Variants in OPCML observed in about 807,000 individuals in gnomAD.
OPCML encodes opioid-binding protein/cell adhesion molecule.
Under a neutral mutation model 37.8 loss-of-function variants are expected in OPCML, and 13 were observed. The ratio of observed to expected loss-of-function variants is 0.34; its 90% CI spans 0.22 to 0.55. The LOEUF (loss-of-function observed/expected upper bound fraction) is 0.55, where lower values mean the gene tolerates loss of function less well. OPCML is among the 20% of genes least tolerant of loss of function. The pLI is 0.91. For synonymous variants in OPCML, 176 were observed against 168.8 expected (o/e 1.04, Z -0.33); for missense variants, 341 against 435.6 (o/e 0.78, Z 1.93).
chr11:133,524,195 G>A (rs1165437671), intron 1 of OPCML, among the ~76,000 whole-genome samples: 1 of 152,166 alleles, frequency 6.6e-6, no homozygotes, highest in Non-Finnish European at 1.5e-5. Flanking sequence ...AATAAGTCAG[G>A]ATGTCCGCCA....
chr11:133,147,738 C>A (rs1191665811), intron 1 of OPCML, among the ~76,000 whole-genome samples: 1 of 152,134 alleles, frequency 6.6e-6, no homozygotes, highest in African/African-American at 2.4e-5. Context: ...GGCACCAGAG[C>A]AGACAGGTCC....
intron 1 of OPCML, chr11:133,005,088 A>C (rs1193938410): frequency 2.0e-6 from 2 of 985,122 alleles, no homozygotes; most frequent in African/African-American, 3.5e-5. Flanking sequence ...GGACTCCTTC[A>C]TGGCTTCCCA....
At chr11:133,185,454 G>C (rs761118240) in intron 1 of OPCML, among the ~76,000 whole-genome samples, 7 of 152,192 alleles carry the variant, frequency 4.6e-5, no homozygotes, top group Non-Finnish European at 8.8e-5. Context: ...CCCATTGCAG[G>C]GAAGGTAGAC....
At chr11:133,458,216 A>G (rs1054689589) in intron 1 of OPCML, among the ~76,000 whole-genome samples, 1 of 129,420 alleles carries the variant, frequency 7.7e-6, no homozygotes, top group Non-Finnish European at 1.6e-5. Flanking sequence ...GTGTATATAT[A>G]CACATATATA....
At chr11:133,328,948 C>A (rs1380779397) in intron 1 of OPCML, among the ~76,000 whole-genome samples, 1 of 152,140 alleles carries the variant, frequency 6.6e-6, no homozygotes, top group Non-Finnish European at 1.5e-5. Context: ...CGTCTCAGCC[C>A]AAAATCGCCT....
chr11:132,616,052 C>A (rs1002803248), intron 3 of OPCML, among the ~76,000 whole-genome samples: 1 of 152,154 alleles, frequency 6.6e-6, no homozygotes, highest in Non-Finnish European at 1.5e-5. Flanking sequence ...AAAAAAGATA[C>A]CTCAGGATAT....
intron 1 of OPCML, among the ~76,000 whole-genome samples, chr11:133,250,528 G>GGAGA (rs1941094457): frequency 8.9e-6 from 1 of 112,710 alleles, no homozygotes; most frequent in African/African-American, 3.2e-5. Flanking sequence ...GGGAAGGGAG[G>GGAGA]GAGGGAGGGA....
Position 132,823,104 on chromosome 11 carries a change from C to T in OPCML, c.146+119822G>A, listed in dbSNP as rs185884092. On this transcript the variant is annotated intron_variant, in intron 2 of 7. Transcript: ENST00000524381. Reference sequence around the variant, plus strand: ...CAATTATCTCAAAAGAATACCTTACCTTACTTTTAGGACTTCAGAGGGCAC... The same window carrying T: ...CAATTATCTCAAAAGAATACCTTACTTTACTTTTAGGACTTCAGAGGGCAC... Among the ~76,000 whole-genome samples the T allele has an allele frequency of 2.6e-5, 4 of 152,178 alleles. No individual in the cohort carries two copies. The East Asian group carries it at 7.7e-4, about 29-fold the overall frequency.
At chr11:132,752,346 G>T (rs566376673) in intron 2 of OPCML, among the ~76,000 whole-genome samples, 1 of 151,958 alleles carries the variant, frequency 6.6e-6, no homozygotes. Context: ...CACCCAAACA[G>T]CACATCTTTG....
chr11:132,540,273 C>G (rs2096352882), intron 3 of OPCML, among the ~76,000 whole-genome samples: 1 of 152,154 alleles, frequency 6.6e-6, no homozygotes, highest in Non-Finnish European at 1.5e-5. Context: ...CTCTCTCACT[C>G]ACTCGACCGG....
chr11:133,506,872 T>C (rs1948043212), intron 1 of OPCML, among the ~76,000 whole-genome samples: 1 of 152,252 alleles, frequency 6.6e-6, no homozygotes, highest in Non-Finnish European at 1.5e-5. Context: ...CTGTGCAGGT[T>C]CGGGATGGCT....
chr11:133,463,926 A>T (rs894624323), intron 1 of OPCML, among the ~76,000 whole-genome samples: 3 of 152,184 alleles, frequency 2.0e-5, no homozygotes, highest in African/African-American at 7.2e-5. Flanking sequence ...CCACATCTTC[A>T]TCGGCATCTC....
chr11:132,537,896 T>C (rs1471779729), intron 3 of OPCML, among the ~76,000 whole-genome samples: 1 of 152,116 alleles, frequency 6.6e-6, no homozygotes, highest in Non-Finnish European at 1.5e-5. Flanking sequence ...ATGACTTTAA[T>C]CAAAAAGAGA....
At chr11:132,580,809 T>G (rs2096460608) in intron 3 of OPCML, among the ~76,000 whole-genome samples, 1 of 152,190 alleles carries the variant, frequency 6.6e-6, no homozygotes, top group Non-Finnish European at 1.5e-5. Context: ...TAATAGAAAA[T>G]TCATTTAACC....
At chr11:132,761,811 A>G (rs996632164) in intron 2 of OPCML, among the ~76,000 whole-genome samples, 2 of 152,106 alleles carry the variant, frequency 1.3e-5, no homozygotes, top group Non-Finnish European at 2.9e-5. Flanking sequence ...TACTTCTGTC[A>G]ATTGATCAAA....
intron 2 of OPCML, among the ~76,000 whole-genome samples, chr11:132,697,976 CTATTTATTTATTTATTTATTTATT>C (rs59713386): frequency 9.1e-4 from 122 of 134,198 alleles, no homozygotes; most frequent in African/African-American, 1.8e-3. Flanking sequence ...ATTTTATTTT[CTATTTATTTATTTATTTATTTATT>C]TATTTATTTA....
chr11:132,566,971 G>T (rs1363972908), intron 3 of OPCML, among the ~76,000 whole-genome samples: 9 of 144,606 alleles, frequency 6.2e-5, no homozygotes, highest in South Asian at 2.2e-4. Flanking sequence ...CATCAGTTAG[G>T]TTTTTTTTTT....
At chr11:132,998,409 G>C (rs1024748511) in intron 1 of OPCML, among the ~76,000 whole-genome samples, 1 of 152,004 alleles carries the variant, frequency 6.6e-6, no homozygotes, top group South Asian at 2.1e-4. Flanking sequence ...GGCTACTCTG[G>C]GCCTACTCAT....
intron 1 of OPCML, among the ~76,000 whole-genome samples, chr11:133,409,345 C>T (rs1945595786): frequency 6.6e-6 from 1 of 152,110 alleles, no homozygotes; most frequent in Non-Finnish European, 1.5e-5. Flanking sequence ...GAAAACTTGA[C>T]AGAGGAAGTA....
Sources: allele counts gnomAD v4.1 joint callset (sites outside exome capture counted in the v4.1 genomes callset), GRCh38; gene constraint gnomAD v4.1.1; transcripts MANE v1.5; gene names NCBI Gene and HGNC (gene_info 2026-07-23, HGNC 2026-07-21).